Variants in RXFP2 observed in about 807,000 individuals in gnomAD.
RXFP2 encodes the protein relaxin receptor 2.
A neutral mutation model predicts 88.6 loss-of-function variants in RXFP2; 68 were observed. That is an observed-to-expected ratio of 0.77 (90% CI 0.63 to 0.94). The LOEUF (loss-of-function observed/expected upper bound fraction) is 0.94. RXFP2 is among the 40% of genes least tolerant of loss of function. The pLI, the probability that RXFP2 is intolerant of heterozygous loss-of-function variation, is 0.00. For missense variants in RXFP2, 791 were observed against 893.9 expected (o/e 0.88, Z 1.47); for synonymous variants, 329 against 306.8 (o/e 1.07, Z -0.76).
intron 2 of RXFP2, among the ~76,000 whole-genome samples, chr13:31,760,600 C>A (rs1872261049): frequency 6.6e-6 from 1 of 152,162 alleles, no homozygotes; most frequent in African/African-American, 2.4e-5. Flanking sequence ...ATGTTTACCC[C>A]ATGAGGATTT....
intron 17 of RXFP2, 112 bp from the exon 18 acceptor site, chr13:31,802,034 T>G (rs1264631585): frequency 9.1e-7 from 1 of 1,094,098 alleles, no homozygotes; most frequent in Non-Finnish European, 1.3e-6. Flanking sequence ...AGAGAAAACT[T>G]AAAATGTACT....
intron 1 of RXFP2, among the ~76,000 whole-genome samples, chr13:31,753,342 C>A (rs539813572): frequency 2.0e-5 from 3 of 152,090 alleles, no homozygotes; most frequent in Admixed American, 6.5e-5. Context: ...GCCATCTAAA[C>A]GTCATTTTAA....
intron 10 of RXFP2, 80 bp from the exon 11 acceptor site, chr13:31,782,596 G>T (rs1195808131): frequency 5.8e-6 from 6 of 1,025,986 alleles, no homozygotes; most frequent in South Asian, 1.3e-5. Flanking sequence ...AATTCTGCCT[G>T]GATCAGTGGC....
chr13:31,781,891 T>A, intron 10 of RXFP2, 149 bp downstream of exon 10: 1 of 650,000 alleles, frequency 1.5e-6, no homozygotes, highest in Admixed American at 2.7e-5. Context: ...CACTGATTTA[T>A]TGATTTGGAT....
At chr13:31,771,023 T>C (rs1872718046) in intron 5 of RXFP2, among the ~76,000 whole-genome samples, 1 of 152,140 alleles carries the variant, frequency 6.6e-6, no homozygotes, top group Non-Finnish European at 1.5e-5. Flanking sequence ...GAACATGCAG[T>C]TTGCCTAAAG....
At chr13:31,760,366 C>T (rs1240450054) in intron 2 of RXFP2, among the ~76,000 whole-genome samples, 1 of 152,160 alleles carries the variant, frequency 6.6e-6, no homozygotes, top group Non-Finnish European at 1.5e-5. Flanking sequence ...GCTGGGATTA[C>T]AGGCATGAGC....
At chr13:31,763,276 G>A (rs1447451592) in intron 3 of RXFP2, among the ~76,000 whole-genome samples, 1 of 151,890 alleles carries the variant, frequency 6.6e-6, no homozygotes, top group African/African-American at 2.4e-5. Context: ...GTAGAGATGG[G>A]GTCTTACCAT....
intron 1 of RXFP2, among the ~76,000 whole-genome samples, chr13:31,745,040 C>T (rs147964030): frequency 1.2e-3 from 186 of 151,902 alleles, no homozygotes; most frequent in African/African-American, 4.2e-3. Flanking sequence ...CGTGGTGGTG[C>T]GTGCCTGTAG....
intron 9 of RXFP2, among the ~76,000 whole-genome samples, chr13:31,780,268 G>T (rs1252150207): frequency 2.0e-5 from 3 of 152,220 alleles, no homozygotes; most frequent in Non-Finnish European, 4.4e-5. Context: ...AAGCTGAAAG[G>T]CCAGACAGGA....
In RXFP2 at chr13:31,795,583, T is replaced by C. The variant is rs557659777; in HGVS notation, c.1787-1618T>C. ...AAGAGGCCTAAGACAACTAGTTTTA[T>C]AAAATTTTACCGTATGGCTTTATAC... On this transcript the variant is annotated intron_variant, in intron 16 of 17. Transcript: ENST00000298386. 1.8e-4 allele frequency among the ~76,000 whole-genome samples: 28 copies of C among 152,356 alleles called. 1 individual carries two copies. The South Asian group carries it at 5.6e-3, about 30-fold the overall frequency.
At chr13:31,800,567 A>G (rs1234804269) in intron 17 of RXFP2, among the ~76,000 whole-genome samples, 2 of 152,202 alleles carry the variant, frequency 1.3e-5, no homozygotes, top group Non-Finnish European at 2.9e-5. Context: ...GTGAGACTCC[A>G]TTTCAAAAAC....
At chr13:31,769,526 G>A (rs185815911) in intron 5 of RXFP2, among the ~76,000 whole-genome samples, 257 of 152,236 alleles carry the variant, frequency 1.7e-3, no homozygotes, top group Non-Finnish European at 1.3e-3. Context: ...ATCTGCATAT[G>A]TTTACCTACA....
intron 9 of RXFP2, 97 bp downstream of exon 9, chr13:31,778,680 T>A: frequency 1.1e-6 from 1 of 926,660 alleles, no homozygotes; most frequent in East Asian, 2.4e-5. Context: ...CATCTATAAT[T>A]TCTTTCCAAA....
rs190989761 is a variant in RXFP2 at position 31,780,309 on chromosome 13, G to A, written c.786-1362G>A. 4.6e-5 allele frequency among the ~76,000 whole-genome samples: 7 copies of A among 152,320 alleles called. No homozygotes were observed. In the East Asian group the frequency reaches 1.4e-3, roughly 29 times the overall value. The stretch of plus-strand genomic sequence containing the variant: ...GGCCAGACAGGAGAAAACCTGTCCT[G>A]GGGAGGCTTCTCCTCTTCCGTTACT... On this transcript the variant is annotated intron_variant, in intron 9 of 17. Transcript: ENST00000298386.
intron 1 of RXFP2, among the ~76,000 whole-genome samples, chr13:31,755,122 G>T (rs1307157426): frequency 2.6e-5 from 4 of 152,178 alleles, no homozygotes; most frequent in Non-Finnish European, 2.9e-5. Flanking sequence ...ATTTAAAGAG[G>T]TTAAGTAGCT....
intron 1 of RXFP2, among the ~76,000 whole-genome samples, chr13:31,755,941 G>A (rs1022860066): frequency 1.3e-5 from 2 of 152,140 alleles, no homozygotes; most frequent in African/African-American, 4.8e-5. Flanking sequence ...AGAGGTTGTG[G>A]CCACACCAGC....
At chr13:31,785,799 A>G (rs778328604) in intron 11 of RXFP2, among the ~76,000 whole-genome samples, 15 of 152,090 alleles carry the variant, frequency 9.9e-5, no homozygotes, top group Non-Finnish European at 1.9e-4. Flanking sequence ...TTATAGAGTC[A>G]CTTTCTTAGG....
intron 13 of RXFP2, among the ~76,000 whole-genome samples, chr13:31,788,556 G>A (rs1235093541): frequency 6.6e-6 from 1 of 151,872 alleles, no homozygotes; most frequent in Non-Finnish European, 1.5e-5. Flanking sequence ...GGGGCCTGAA[G>A]GATTTAAAGG....
chr13:31,786,745 A>G (rs2138448718), intron 13 of RXFP2, 108 bp downstream of exon 13: 2 of 721,978 alleles, frequency 2.8e-6, no homozygotes, highest in Non-Finnish European at 4.9e-6. Context: ...ATTTCAGACA[A>G]CTGTCTGAAT....
Sources: gnomAD v4.1 joint callset for allele counts (sites outside exome capture counted in the v4.1 genomes callset) on GRCh38, gnomAD v4.1.1 for gene constraint, MANE v1.5 for transcripts, NCBI Gene and HGNC (gene_info 2026-07-23, HGNC 2026-07-21) for gene names.